The following TMEM117 variants were observed in gnomAD, a reference collection of about 807,000 sequenced individuals.
TMEM117 encodes the protein transmembrane protein 117.
TMEM117 carries 27 observed loss-of-function variants against 52.4 expected under a neutral mutation model. That is an observed-to-expected ratio of 0.51 (90% CI 0.38 to 0.71). TMEM117 has a LOEUF of 0.71. Ranked by LOEUF, TMEM117 falls within the 30% of genes least tolerant of loss-of-function variation. TMEM117 has a pLI of 0.00. For missense variants in TMEM117, 556 were observed against 630.5 expected (o/e 0.88, Z 1.26); for synonymous variants, 215 against 206.3 (o/e 1.04, Z -0.36).
rs1947985293 is a variant in TMEM117 at position 44,107,780 on chromosome 12, A to G, written c.411-35745A>G. On this transcript the variant is annotated intron_variant, in intron 3 of 7. Transcript: ENST00000266534. ...TACAGTTTTCAAATCAACTTTTCAG[A>G]AAGCAACTTTGTTTTCTTTGTGGAC... Among the ~76,000 whole-genome samples the G allele has an allele frequency of 2.0e-5, 3 of 152,088 alleles. No homozygotes were observed. The South Asian group carries it at 6.2e-4, about 32-fold the overall frequency.
intron 2 of TMEM117, among the ~76,000 whole-genome samples, chr12:43,926,143 C>G (rs1472904863): frequency 6.6e-6 from 1 of 152,182 alleles, no homozygotes; most frequent in Non-Finnish European, 1.5e-5. Flanking sequence ...ATACATCTGT[C>G]AAGGAACTTT....
At chr12:44,308,088 A>G (rs1463101406) in intron 6 of TMEM117, among the ~76,000 whole-genome samples, 1 of 152,198 alleles carries the variant, frequency 6.6e-6, no homozygotes, top group Non-Finnish European at 1.5e-5. Flanking sequence ...AAGGAATTAT[A>G]AGATTTGGTT....
At chr12:44,255,807 A>G (rs545567209) in intron 5 of TMEM117, among the ~76,000 whole-genome samples, 54 of 152,160 alleles carry the variant, frequency 3.5e-4, no homozygotes, top group Non-Finnish European at 6.6e-4. Flanking sequence ...TTTCCGCTAT[A>G]CCCTTTTCTG....
At chr12:44,333,090 G>A (rs956203444) in intron 6 of TMEM117, among the ~76,000 whole-genome samples, 3 of 151,836 alleles carry the variant, frequency 2.0e-5, no homozygotes, top group African/African-American at 7.3e-5. Context: ...AAAACTGATG[G>A]CAATTGTGTT....
chr12:43,968,781 G>A (rs1331356134), intron 3 of TMEM117, among the ~76,000 whole-genome samples: 2 of 152,110 alleles, frequency 1.3e-5, no homozygotes, highest in Non-Finnish European at 2.9e-5. Flanking sequence ...CATTAATCTA[G>A]GAATAGTGGT....
chr12:44,346,142 C>A (rs1351039282), intron 6 of TMEM117, among the ~76,000 whole-genome samples: 1 of 152,072 alleles, frequency 6.6e-6, no homozygotes, highest in African/African-American at 2.4e-5. Context: ...TCATTTCAGT[C>A]TAAGTCTTAG....
At position 44,344,861 on chromosome 12, in the gene TMEM117, TC is replaced by T. The variant is rs1286241599; in HGVS notation, c.769-31733del. Among the ~76,000 whole-genome samples the T allele has an allele frequency of 2.0e-5, 3 of 152,022 alleles. No individual in the cohort carries two copies. The East Asian group carries it at 5.8e-4, about 29-fold the overall frequency. Reference sequence around the variant, plus strand: ...ATCCTGGATAGGAAAAGGTCAAGGTTCTGCCCAGTGAGTAGGATTGCAGGGT... The same window carrying T: ...ATCCTGGATAGGAAAAGGTCAAGGTTTGCCCAGTGAGTAGGATTGCAGGGT... On this transcript the variant is annotated intron_variant, in intron 6 of 7. Coordinates refer to ENST00000266534, the MANE Select transcript of TMEM117 (RefSeq NM_032256.3).
At chr12:43,996,690 G>A (rs1037236234) in intron 3 of TMEM117, among the ~76,000 whole-genome samples, 2 of 150,492 alleles carry the variant, frequency 1.3e-5, no homozygotes, top group Non-Finnish European at 3.0e-5. Context: ...AATGTCTGTG[G>A]GATTTTCTCC....
chr12:43,843,679 C>G (rs1161549711), intron 1 of TMEM117, among the ~76,000 whole-genome samples: 1 of 152,154 alleles, frequency 6.6e-6, no homozygotes, highest in African/African-American at 2.4e-5. Context: ...TAAAAAAATT[C>G]TACTAATCCT....
At chr12:43,947,714 T>A (rs1463120420) in intron 3 of TMEM117, among the ~76,000 whole-genome samples, 1 of 152,242 alleles carries the variant, frequency 6.6e-6, no homozygotes, top group African/African-American at 2.4e-5. Flanking sequence ...CAATGTGTCT[T>A]TGTTTATAGG....
At chr12:44,056,145 C>T (rs1393967158) in intron 3 of TMEM117, among the ~76,000 whole-genome samples, 1 of 152,014 alleles carries the variant, frequency 6.6e-6, no homozygotes. Context: ...TGTCACCCAG[C>T]CTGGAGTTCA....
intron 5 of TMEM117, among the ~76,000 whole-genome samples, chr12:44,229,697 A>G (rs932679023): frequency 6.6e-6 from 1 of 152,148 alleles, no homozygotes; most frequent in Non-Finnish European, 1.5e-5. Flanking sequence ...GACAATAGAT[A>G]TGCTTGTATT....
chr12:43,966,262 G>A (rs145293225), intron 3 of TMEM117, among the ~76,000 whole-genome samples: 53 of 152,174 alleles, frequency 3.5e-4, no homozygotes, highest in African/African-American at 1.2e-3. Context: ...GAAAAAGAAG[G>A]GGATAAGAGG....
chr12:43,902,475 T>C (rs992777763), intron 2 of TMEM117, among the ~76,000 whole-genome samples: 4 of 152,206 alleles, frequency 2.6e-5, no homozygotes, highest in African/African-American at 9.6e-5. Context: ...GTTGACTTGA[T>C]ATCTAGTGCT....
intron 3 of TMEM117, chr12:44,009,252 T>C (rs1046390699): frequency 3.6e-6 from 1 of 277,448 alleles, no homozygotes; most frequent in Non-Finnish European, 6.9e-6. Context: ...TTTTGCATCC[T>C]AGCATTTGTA....
In TMEM117 at chr12:44,115,533, G is replaced by C. The variant is rs575766219; in HGVS notation, c.411-27992G>C. 5.5e-4 allele frequency among the ~76,000 whole-genome samples: 82 copies of C among 149,400 alleles called. 2 individuals are homozygous for C. In the South Asian group the frequency reaches 0.014, roughly 26 times the overall value. ...AGATAAAGAATCTAAGACTCAAATA[G>C]TATGGGATTTTTTTTTTTTACTGAA... On this transcript the variant is annotated intron_variant, in intron 3 of 7. Transcript: ENST00000266534.
At chr12:43,831,605 G>A (rs374862802), upstream of TMEM117, among the ~76,000 whole-genome samples, 25 of 150,698 alleles carry the variant, frequency 1.7e-4, no homozygotes, top group East Asian at 1.8e-3. Context: ...GTGCAGTGGC[G>A]CAATCTTGGC....
chr12:44,070,030 C>A (rs776711753), intron 3 of TMEM117, among the ~76,000 whole-genome samples: 2 of 152,154 alleles, frequency 1.3e-5, no homozygotes, highest in Non-Finnish European at 2.9e-5. Context: ...GCTGGGACTA[C>A]AGGCACATGC....
rs567619200 is a variant in TMEM117 at position 44,187,151 on chromosome 12, AAT to A, written c.511-24132_511-24131del. On this transcript the variant is annotated intron_variant, in intron 4 of 7. Coordinates refer to ENST00000266534, the MANE Select transcript of TMEM117 (RefSeq NM_032256.3). Reference sequence around the variant, plus strand: ...CTAGGGAGGCTTCTTATAACTATTTAATATATATGTGCTTTTTCATTATATCC... The same window carrying A: ...CTAGGGAGGCTTCTTATAACTATTTAATATATGTGCTTTTTCATTATATCC... 2.6e-3 allele frequency among the ~76,000 whole-genome samples: 393 copies of A among 152,254 alleles called. 1 individual carries two copies. Among genetic ancestry groups the A allele is most frequent in the Non-Finnish European group, 4.8e-3 (324 of 68,010 alleles).
Sources: allele counts gnomAD v4.1 joint callset (sites outside exome capture counted in the v4.1 genomes callset), GRCh38; gene constraint gnomAD v4.1.1; transcripts MANE v1.5; gene names NCBI Gene and HGNC (gene_info 2026-07-23, HGNC 2026-07-21).